The following TRPS1 variants were observed in gnomAD, a reference collection of about 807,000 sequenced individuals.
The protein encoded by TRPS1 is zinc finger transcription factor Trps1.
A neutral mutation model predicts 101.2 loss-of-function variants in TRPS1; 6 were observed. The ratio of observed to expected loss-of-function variants is 0.06; its 90% CI spans 0.03 to 0.12. TRPS1 has a LOEUF of 0.12. Among genes scored for constraint, TRPS1 ranks in the 10% least tolerant of loss-of-function variants. The pLI, the probability that TRPS1 is intolerant of heterozygous loss-of-function variation, is 1.00. For synonymous variants in TRPS1, 578 were observed against 589.8 expected (o/e 0.98, Z 0.29); for missense variants, 1,363 against 1,567.0 (o/e 0.87, Z 2.20).
At chr8:115,614,185 A>C (rs1563644773) in intron 3 of TRPS1, among the ~76,000 whole-genome samples, 1 of 152,234 alleles carries the variant, frequency 6.6e-6, no homozygotes, top group Non-Finnish European at 1.5e-5. Flanking sequence ...TAACCTCCTG[A>C]CTTGAGATGG....
At chr8:115,561,223 G>A (rs953222717) in intron 5 of TRPS1, among the ~76,000 whole-genome samples, 1 of 151,932 alleles carries the variant, frequency 6.6e-6, no homozygotes, top group African/African-American at 2.4e-5. Flanking sequence ...TATATTCTGG[G>A]CATCTGTGTG....
chr8:115,448,116 AAAC>A (rs958512446), intron 5 of TRPS1, among the ~76,000 whole-genome samples: 30 of 152,192 alleles, frequency 2.0e-4, no homozygotes, highest in Admixed American at 2.6e-4. Flanking sequence ...TTTGTAAACT[AAAC>A]AACAACAACA....
At chr8:115,436,002 ACACACACAC>A (rs1273665118) in intron 5 of TRPS1, among the ~76,000 whole-genome samples, 3 of 72,870 alleles carry the variant, frequency 4.1e-5, no homozygotes, top group Middle Eastern at 0.021. Context: ...GAGAAATCAC[ACACACACAC>A]ACACACACAC....
chr8:115,483,698 T>C (rs904710258), intron 5 of TRPS1, among the ~76,000 whole-genome samples: 15 of 152,240 alleles, frequency 9.9e-5, no homozygotes, highest in South Asian at 2.1e-4. Context: ...TCCCAAACAT[T>C]TGTGGATAGA....
intron 5 of TRPS1, among the ~76,000 whole-genome samples, chr8:115,584,637 T>G (rs1817524459): frequency 6.6e-6 from 1 of 151,846 alleles, no homozygotes; most frequent in African/African-American, 2.4e-5. Context: ...CTTTTTTTTT[T>G]TTTTCTACCA....
intron 1 of TRPS1, among the ~76,000 whole-genome samples, chr8:115,656,061 A>C (rs1163948348): frequency 7.2e-5 from 11 of 152,174 alleles, no homozygotes; most frequent in African/African-American, 2.7e-4. Flanking sequence ...TCTCAGAATC[A>C]ATTCCACTTT....
chr8:115,536,679 T>G (rs763911139), intron 5 of TRPS1, among the ~76,000 whole-genome samples: 21 of 152,026 alleles, frequency 1.4e-4, no homozygotes. Context: ...TTGGCAAATT[T>G]GCCAACCTGT....
At chr8:115,657,898 G>C (rs551222295) in intron 1 of TRPS1, among the ~76,000 whole-genome samples, 4 of 152,044 alleles carry the variant, frequency 2.6e-5, no homozygotes, top group Admixed American at 6.6e-5. Context: ...ACTGTCCCCA[G>C]AATGGAAAAG....
chr8:115,604,526 A>C lies in TRPS1; in HGVS notation c.1443T>G (p.Asn481Lys). Residue 481 changes from asparagine to lysine, a missense_variant, in exon 4 of 7, where the codon AAT becomes AAG. Physicochemically the swap from Asn to Lys is moderately conservative, Grantham distance 94 (BLOSUM62 0). This residue lies in a region of TRPS1 where 1,020 missense variants were observed against 1,073.0 expected (regional missense o/e 0.95). Transcript: ENST00000395715. The surrounding 1 kb of genome is among the most constrained non-coding windows in gnomAD (Gnocchi z 4.1). The part of the protein sequence containing the change: ...QHGAVQSGGL[N>K]PELNDKLSRG... ...TGGAAAGCTTATCATTTAACTCTGG[A>C]TTAAGGCCGCCTGACTGCACTGCTC... The C allele has an allele frequency of 6.2e-7, 1 of 1,614,068 alleles. No homozygotes were observed. The highest frequency in any genetic ancestry group is 8.5e-7 in the Non-Finnish European group (1 of 1,179,996).
chr8:115,517,056 T>C (rs1815730215), intron 5 of TRPS1, among the ~76,000 whole-genome samples: 1 of 151,580 alleles, frequency 6.6e-6, no homozygotes, highest in Admixed American at 6.6e-5. Flanking sequence ...CAAGAAGTAA[T>C]CTGGGGCAAT....
intron 3 of TRPS1, among the ~76,000 whole-genome samples, chr8:115,610,772 T>A (rs1254757342): frequency 6.6e-6 from 1 of 152,158 alleles, no homozygotes; most frequent in Non-Finnish European, 1.5e-5. Context: ...TGAATTAATT[T>A]TTCTATATTA....
chr8:115,478,637 G>A (rs1359537015), intron 5 of TRPS1, among the ~76,000 whole-genome samples: 1 of 151,590 alleles, frequency 6.6e-6, no homozygotes, highest in Non-Finnish European at 1.5e-5. Context: ...AACCCCATCT[G>A]TCCTAAAAAT....
intron 5 of TRPS1, among the ~76,000 whole-genome samples, chr8:115,580,825 G>C (rs1345051458): frequency 6.6e-6 from 1 of 151,994 alleles, no homozygotes; most frequent in East Asian, 1.9e-4. Flanking sequence ...AGCCACTATG[G>C]AGAACAGTAT....
At chr8:115,630,994 T>C (rs1187030371) in intron 1 of TRPS1, among the ~76,000 whole-genome samples, 1 of 152,108 alleles carries the variant, frequency 6.6e-6, no homozygotes, top group East Asian at 1.9e-4. Flanking sequence ...CCTCTATAGT[T>C]ACGTCAAGTG....
chr8:115,489,796 T>G (rs939119765), intron 5 of TRPS1, among the ~76,000 whole-genome samples: 4 of 152,156 alleles, frequency 2.6e-5, no homozygotes, highest in African/African-American at 9.6e-5. Context: ...AAATCATTTT[T>G]ATAAAGATAT....
chr8:115,667,614 C>T (rs999176668), intron 1 of TRPS1, among the ~76,000 whole-genome samples: 2 of 152,200 alleles, frequency 1.3e-5, no homozygotes, highest in African/African-American at 4.8e-5. Flanking sequence ...GCCCGGGCTG[C>T]AAGGCCCTGC....
At chr8:115,668,032 AGG>A (rs1193650373) in intron 1 of TRPS1, 1 of 519,400 alleles carries the variant, frequency 1.9e-6, no homozygotes, top group African/African-American at 2.0e-5. Flanking sequence ...AGAGACAGCG[AGG>A]GGGAGTGGGG....
chr8:115,440,098 C>T (rs1051749614), intron 5 of TRPS1, among the ~76,000 whole-genome samples: 1 of 152,156 alleles, frequency 6.6e-6, no homozygotes, highest in Non-Finnish European at 1.5e-5. Context: ...GGAAAGCAAA[C>T]GCTAGCTTGG....
intron 5 of TRPS1, among the ~76,000 whole-genome samples, chr8:115,547,724 C>T (rs1189740755): frequency 6.6e-6 from 1 of 152,112 alleles, no homozygotes; most frequent in Non-Finnish European, 1.5e-5. Context: ...CTTTCACTCC[C>T]GAAGAGTAGC....
Sources: allele counts gnomAD v4.1 joint callset (sites outside exome capture counted in the v4.1 genomes callset), GRCh38; gene constraint gnomAD v4.1.1; regional missense constraint gnomAD v4.1.1; non-coding constraint Gnocchi (gnomAD v3.1); transcripts MANE v1.5; gene names NCBI Gene and HGNC (gene_info 2026-07-23, HGNC 2026-07-21).